Variants in HPGD observed in about 807,000 individuals in gnomAD.
HPGD encodes the protein 15-hydroxyprostaglandin dehydrogenase [NAD(+)].
In HPGD, 29 loss-of-function variants were observed where a neutral mutation model predicts 30.0. The observed-to-expected ratio is 0.97, with a 90% CI of 0.72 to 1.32. The LOEUF is 1.32. Among genes scored for constraint, HPGD ranks in the 40% most tolerant of loss-of-function variants. The probability of loss-of-function intolerance (pLI) is 0.00; values close to 1 mark genes in which losing one functional copy is unlikely to be tolerated. For missense variants in HPGD, 340 were observed against 322.1 expected, an observed-to-expected ratio of 1.06 and a Z score of -0.43; for synonymous variants, 99 against 112.4, an observed-to-expected ratio of 0.88 and a Z score of 0.75.
At chr4:174,509,373 CTGAT>C (rs1735360834) in intron 3 of HPGD, among the ~76,000 whole-genome samples, 1 of 152,100 alleles carries the variant, frequency 6.6e-6, no homozygotes, top group African/African-American at 2.4e-5. Context: ...AATGTAGACA[CTGAT>C]TAATTAATTT....
upstream of HPGD, chr4:174,522,658 C>A (rs1736227237): frequency 1.3e-5 from 6 of 469,738 alleles, no homozygotes; most frequent in Admixed American, 1.7e-4. Context: ...CCAAGCTTCG[C>A]GATCTTTGCC....
At chr4:174,495,320 A>AT (rs369439594) in intron 5 of HPGD, 122 of 561,742 alleles carry the variant, frequency 2.2e-4, no homozygotes, top group South Asian at 6.2e-4. Context: ...TCCTTAATAC[A>AT]TTTTTTTTAA....
chr4:174,494,600 T>C lies in HPGD; in HGVS notation c.498+948A>G, dbSNP rs538734570. 6.6e-6 allele frequency among the ~76,000 whole-genome samples: 1 copy of C among 152,306 alleles called. No individual in the cohort carries two copies. The highest frequency in any genetic ancestry group is 1.9e-4 in the East Asian group (1 of 5,186). The stretch of plus-strand genomic sequence containing the variant: ...TTAAGAGTGTGAGAACTACTTATCT[T>C]CCATTTTGACTGAACAGTTAACATT... On this transcript the variant is annotated intron_variant, in intron 5 of 6. Coordinates refer to ENST00000296522, the MANE Select transcript of HPGD (RefSeq NM_000860.6). The surrounding 1 kb of genome is among the most constrained non-coding windows in gnomAD (Gnocchi z 4.9).
chr4:174,502,964 C>A (rs1456487868), intron 4 of HPGD, among the ~76,000 whole-genome samples: 2 of 152,114 alleles, frequency 1.3e-5, no homozygotes, highest in Middle Eastern at 3.2e-3. Flanking sequence ...TCTGTCCTAT[C>A]GAAATCAGAA....
chr4:174,502,658 A>G (rs1293319670), intron 4 of HPGD, among the ~76,000 whole-genome samples: 1 of 139,172 alleles, frequency 7.2e-6, no homozygotes, highest in African/African-American at 2.7e-5. Context: ...AGCCTGGGCG[A>G]CAGAGCGAGA....
intron 4 of HPGD, among the ~76,000 whole-genome samples, chr4:174,502,461 G>A (rs1341045489): frequency 6.6e-6 from 1 of 152,032 alleles, no homozygotes; most frequent in African/African-American, 2.4e-5. Flanking sequence ...GGCGGATCAC[G>A]AGGTCAGGAG....
chr4:174,490,799 C>A lies in HPGD; in HGVS notation c.*1157G>T, dbSNP rs1362704809. 1 of 152,266 alleles carries A rather than the reference C, an allele frequency of 6.6e-6. No homozygotes were observed. The highest frequency in any genetic ancestry group is 1.5e-5 in the Non-Finnish European group (1 of 67,990). 9.4% of individuals were successfully genotyped at this position (152,266 alleles called of 1,614,324 possible). ...TGGAGTTAGCAGACAGGATGAGTCA[C>A]TTATACGATATTTTTTTGAGAAAAC... is the stretch of plus-strand genomic sequence containing the variant. On this transcript the variant is annotated 3_prime_UTR_variant, in exon 7 of 7. Coordinates refer to ENST00000296522, the MANE Select transcript of HPGD (RefSeq NM_000860.6). The surrounding 1 kb of genome is among the most constrained non-coding windows in gnomAD (Gnocchi z 4.4).
intron 6 of HPGD, 129 bp downstream of exon 6, chr4:174,493,022 T>G: frequency 1.2e-6 from 1 of 812,584 alleles, no homozygotes; most frequent in Non-Finnish European, 1.9e-6. Flanking sequence ...CCAGAGAGTT[T>G]GCCAAACCAA....
chr4:174,493,345 G>A (rs763168106), intron 5 of HPGD, 31 bp from the exon 6 acceptor site: 4 of 1,609,438 alleles, frequency 2.5e-6, no homozygotes, highest in Non-Finnish European at 3.4e-6. Context: ...GGTTTCAGCA[G>A]TTTCATAAAC....
At chr4:174,521,835 C>T (rs1219545398) in intron 2 of HPGD, 109 bp downstream of exon 2, 3 of 1,283,696 alleles carry the variant, frequency 2.3e-6, no homozygotes, top group Non-Finnish European at 3.4e-6. Flanking sequence ...GGTAGCTGCT[C>T]TCGAGGAGGC....
intron 3 of HPGD, among the ~76,000 whole-genome samples, chr4:174,509,130 T>C (rs1289522148): frequency 6.6e-6 from 1 of 152,218 alleles, no homozygotes; most frequent in Non-Finnish European, 1.5e-5. Flanking sequence ...GTTTTCTAAA[T>C]GTTGGATGCA....
chr4:174,491,272 G>A lies in HPGD; in HGVS notation c.*684C>T, dbSNP rs919764568. 4 of 152,502 alleles carry A rather than the reference G, an allele frequency of 2.6e-5. No individual in the cohort carries two copies. Among genetic ancestry groups the A allele is most frequent in the East Asian group, 3.7e-4 (2 of 5,342 alleles). 9.4% of individuals were successfully genotyped at this position (152,502 alleles called of 1,614,324 possible). On this transcript the variant is annotated 3_prime_UTR_variant, in exon 7 of 7. Coordinates refer to ENST00000296522, the MANE Select transcript of HPGD (RefSeq NM_000860.6). Reference sequence around the variant, plus strand: ...TTTAATTCCTGAGATTTTTGGAGTCGGTAAAAGTTCTTAAAGTGAGCAGAG... The same window carrying A: ...TTTAATTCCTGAGATTTTTGGAGTCAGTAAAAGTTCTTAAAGTGAGCAGAG...
At chr4:174,497,568 C>CTT (rs778825547) in intron 4 of HPGD, among the ~76,000 whole-genome samples, 10 of 51,098 alleles carry the variant, frequency 2.0e-4, no homozygotes, top group Admixed American at 4.6e-4. Context: ...CTTTTTCTTT[C>CTT]TTTTTTTTTT....
intron 4 of HPGD, among the ~76,000 whole-genome samples, chr4:174,501,888 A>T (rs1157515334): frequency 6.6e-6 from 1 of 152,206 alleles, no homozygotes; most frequent in African/African-American, 2.4e-5. Context: ...ACAGAAGGTA[A>T]AAAAGCTCAA....
intron 4 of HPGD, chr4:174,506,972 A>G (rs1735222118): frequency 6.6e-6 from 1 of 152,244 alleles, no homozygotes; most frequent in Admixed American, 6.5e-5. Flanking sequence ...ACAGAGAATT[A>G]TCAATCTTGA....
intron 4 of HPGD, chr4:174,507,952 TAC>T (rs766336957): frequency 6.2e-5 from 34 of 548,454 alleles, no homozygotes; most frequent in Non-Finnish European, 9.9e-5. Flanking sequence ...CAGACTCGCT[TAC>T]AGTTAGGTGA....
In HPGD at chr4:174,495,610, C is replaced by T; in HGVS notation, c.436G>A (p.Ala146Thr). Residue 146 changes from alanine to threonine, a missense_variant, in exon 5 of 7, where the codon GCA (alanine) becomes ACA (threonine). Coordinates refer to ENST00000296522, the MANE Select transcript of HPGD (RefSeq NM_000860.6). The stretch of plus-strand genomic sequence containing the variant: ...GAAGCACAATAAACCGGCTGCTGTG[C>T]AACGGGCATGAGTCCTGAAACAGAC... The part of the protein sequence containing the change: ...MSSLAGLMPV[A>T]QQPVYCASKH... The T allele has an allele frequency of 8.1e-6, 13 of 1,613,244 alleles. No homozygotes were observed. The highest frequency in any genetic ancestry group is 1.0e-5 in the Non-Finnish European group (12 of 1,179,304).
At chr4:174,511,514 G>C (rs909034614) in intron 3 of HPGD, among the ~76,000 whole-genome samples, 1 of 152,204 alleles carries the variant, frequency 6.6e-6, no homozygotes, top group Non-Finnish European at 1.5e-5. Context: ...AGAAACTTCA[G>C]AAAGTTACAA....
intron 4 of HPGD, among the ~76,000 whole-genome samples, chr4:174,500,215 T>C (rs149561264): frequency 2.6e-5 from 4 of 152,360 alleles, no homozygotes; most frequent in African/African-American, 7.2e-5. Flanking sequence ...AATGAGATTC[T>C]ACTACACACA....
Sources: gnomAD v4.1 joint callset for allele counts (sites outside exome capture counted in the v4.1 genomes callset) on GRCh38, gnomAD v4.1.1 for gene constraint, Gnocchi (gnomAD v3.1) non-coding constraint, MANE v1.5 for transcripts, NCBI Gene and HGNC (gene_info 2026-07-23, HGNC 2026-07-21) for gene names.